The following ANKRD10 variants were observed in gnomAD, a reference collection of about 807,000 sequenced individuals.
ANKRD10 encodes the protein ankyrin repeat domain 10.
Under a neutral mutation model 27.0 loss-of-function variants are expected in ANKRD10, and 14 were observed. The observed-to-expected ratio is 0.52, with a 90% CI of 0.34 to 0.81. The LOEUF (loss-of-function observed/expected upper bound fraction) is 0.81. ANKRD10 is among the 40% of genes least tolerant of loss of function. The pLI, the probability that ANKRD10 is intolerant of heterozygous loss-of-function variation, is 0.01. For missense variants in ANKRD10, 493 were observed against 544.0 expected (o/e 0.91, Z 0.93); for synonymous variants, 250 against 224.5 (o/e 1.11, Z -1.01).
chr13:110,885,636 G>A (rs543101148), intron 4 of ANKRD10, among the ~76,000 whole-genome samples: 27 of 152,262 alleles, frequency 1.8e-4, no homozygotes, highest in African/African-American at 5.5e-4. Flanking sequence ...TGCCAAAGTC[G>A]TCTCAACCTC....
intron 2 of ANKRD10, among the ~76,000 whole-genome samples, chr13:110,909,838 A>G (rs1372196539): frequency 6.6e-6 from 1 of 152,238 alleles, no homozygotes; most frequent in Non-Finnish European, 1.5e-5. Flanking sequence ...CTTGATGACT[A>G]TAAAGCATTT....
Position 110,914,964 on chromosome 13 carries a change from T to C in ANKRD10, c.-30A>G. The C allele has an allele frequency of 6.6e-7, 1 of 1,521,676 alleles. No individual in the cohort carries two copies. The highest frequency in any genetic ancestry group is 8.8e-7 in the Non-Finnish European group (1 of 1,139,890). 94.3% of individuals were successfully genotyped at this position (1,521,676 alleles called of 1,614,324 possible). On this transcript the variant is annotated 5_prime_UTR_variant, in exon 1 of 6. Coordinates refer to ENST00000267339, the MANE Select transcript of ANKRD10 (RefSeq NM_017664.4). ...CGTCACCGGAGAGCGCGGGGCTCGC[T>C]GGCCTAGAGGACGCGTCGGGGAGGA...
chr13:110,879,865 G>C lies in ANKRD10; in HGVS notation c.1035C>G (p.Cys345Trp), dbSNP rs530525606. 1 of 1,614,208 alleles carries C rather than the reference G, an allele frequency of 6.2e-7. No homozygotes were observed. Among genetic ancestry groups the C allele is most frequent in the East Asian group, 2.2e-5 (1 of 44,878 alleles). Residue 345 changes from cysteine to tryptophan, a missense_variant, in exon 6 of 6, where the codon TGC (cysteine) becomes TGG (tryptophan). Physicochemically the swap from Cys to Trp is radical, Grantham distance 215. Transcript: ENST00000267339. ...GACTCCCGTTCAGGTGCAGAGAACC[G>C]CACAACTCAGGGTTAGCTCTCAGGG... ...EKTLRANPEL[C>W]GSLHLNGSPS...
chr13:110,905,190 A>G (rs1407759313), intron 3 of ANKRD10: 3 of 152,246 alleles, frequency 2.0e-5, no homozygotes, highest in African/African-American at 7.2e-5. Flanking sequence ...CTTACACTCA[A>G]CATTTAAGGG....
intron 4 of ANKRD10, among the ~76,000 whole-genome samples, chr13:110,884,881 TTAGCTC>T (rs1200238865): frequency 2.6e-5 from 4 of 152,210 alleles, no homozygotes; most frequent in Non-Finnish European, 5.9e-5. Flanking sequence ...GCAGCTTGAA[TTAGCTC>T]TAGTTTTAGA....
Position 110,909,539 on chromosome 13 carries a change from A to G in ANKRD10, c.363+1079T>C, listed in dbSNP as rs549870425. On this transcript the variant is annotated intron_variant, in intron 2 of 5. Transcript: ENST00000267339. ...GCAGCACAACCTTAAAACTTGTCCC[A>G]TATCCCACATTTCAGTTTAGTAACA... is the stretch of plus-strand genomic sequence containing the variant. Among the ~76,000 whole-genome samples, 7 of 152,336 alleles carry G rather than the reference A, an allele frequency of 4.6e-5. No homozygotes were observed. The South Asian group carries it at 1.5e-3, about 32-fold the overall frequency.
At chr13:110,888,285 G>A (rs1260006935) in intron 4 of ANKRD10, among the ~76,000 whole-genome samples, 1 of 151,506 alleles carries the variant, frequency 6.6e-6, no homozygotes, top group East Asian at 1.9e-4. Flanking sequence ...GACAACTCAG[G>A]CCCATGAGGT....
intron 3 of ANKRD10, among the ~76,000 whole-genome samples, chr13:110,898,179 C>T (rs1438036018): frequency 6.6e-6 from 1 of 152,184 alleles, no homozygotes; most frequent in Non-Finnish European, 1.5e-5. Context: ...GTTACATGTT[C>T]TAAGTGCCTT....
At chr13:110,892,827 T>C (rs1464362053) in intron 4 of ANKRD10, 91 of 1,375,664 alleles carry the variant, frequency 6.6e-5, no homozygotes, top group Non-Finnish European at 8.4e-5. Flanking sequence ...GCCATCAGTA[T>C]TTCCCTCACA....
In ANKRD10 at chr13:110,914,946, G is replaced by T; in HGVS notation, c.-12C>A. The T allele has an allele frequency of 3.3e-6, 5 of 1,528,654 alleles. No homozygotes were observed. The highest frequency in any genetic ancestry group is 4.4e-6 in the Non-Finnish European group (5 of 1,143,204). 94.7% of individuals were successfully genotyped at this position (1,528,654 alleles called of 1,614,324 possible). On this transcript the variant is annotated 5_prime_UTR_variant, in exon 1 of 6. Coordinates refer to ENST00000267339, the MANE Select transcript of ANKRD10 (RefSeq NM_017664.4). ...CCCGCCGCCGACATGGTCCGTCACC[G>T]GAGAGCGCGGGGCTCGCTGGCCTAG...
chr13:110,886,764 T>C (rs191307064), intron 4 of ANKRD10, among the ~76,000 whole-genome samples: 131 of 152,324 alleles, frequency 8.6e-4, no homozygotes, highest in Non-Finnish European at 1.5e-3. Flanking sequence ...CAGAAAAACA[T>C]GTCTTCCAAG....
chr13:110,912,797 G>A (rs1434842204), intron 1 of ANKRD10, among the ~76,000 whole-genome samples: 1 of 152,192 alleles, frequency 6.6e-6, no homozygotes, highest in Non-Finnish European at 1.5e-5. Context: ...CCTGGACTTC[G>A]CAAGCGGTAG....
intron 4 of ANKRD10, among the ~76,000 whole-genome samples, chr13:110,886,665 G>A (rs1435277026): frequency 6.6e-6 from 1 of 152,176 alleles, no homozygotes; most frequent in Non-Finnish European, 1.5e-5. Context: ...CCTACCACCT[G>A]TGGCATTTTC....
intron 4 of ANKRD10, among the ~76,000 whole-genome samples, chr13:110,888,511 T>TTA (rs2064993750): frequency 6.6e-6 from 1 of 151,760 alleles, no homozygotes; most frequent in Non-Finnish European, 1.5e-5. Flanking sequence ...ACGTCAGGAG[T>TTA]TAAAGTGCTA....
chr13:110,901,746 A>G (rs2065386388), intron 3 of ANKRD10, among the ~76,000 whole-genome samples: 1 of 152,206 alleles, frequency 6.6e-6, no homozygotes, highest in Non-Finnish European at 1.5e-5. Context: ...CTGTGGGGAC[A>G]ATTAGATAAA....
intron 4 of ANKRD10, among the ~76,000 whole-genome samples, chr13:110,891,228 A>G (rs1294924168): frequency 6.6e-6 from 1 of 152,246 alleles, no homozygotes; most frequent in Non-Finnish European, 1.5e-5. Context: ...AGGCCACTCT[A>G]CAATACTAAC....
intron 2 of ANKRD10, 33 bp downstream of exon 2, chr13:110,910,585 A>G (rs1265402552): frequency 6.2e-7 from 1 of 1,609,654 alleles, no homozygotes; most frequent in South Asian, 1.1e-5. Context: ...AGAAAAAGCA[A>G]AAGCAAACCA....
intron 5 of ANKRD10, among the ~76,000 whole-genome samples, chr13:110,881,283 C>A (rs919398987): frequency 1.3e-5 from 2 of 152,184 alleles, no homozygotes; most frequent in Non-Finnish European, 2.9e-5. Context: ...AGCTTAAATA[C>A]ATCCGATTAC....
rs1236726907 is a variant in ANKRD10 at position 110,879,640 on chromosome 13, G to C, written c.1260C>G (p.Ser420=). The C allele has an allele frequency of 1.2e-6, 2 of 1,608,404 alleles. No individual in the cohort carries two copies. Among genetic ancestry groups the C allele is most frequent in the African/African-American group, 2.7e-5 (2 of 74,802 alleles). Residue 420 remains serine (S), a synonymous_variant, in exon 6 of 6, where the codon TCC becomes TCG. Coordinates refer to ENST00000267339, the MANE Select transcript of ANKRD10 (RefSeq NM_017664.4). ...TCCGAGAGCCAGGTCAGCGTCTCTA[G>C]GAGCCGTGGTGCAGGTGCATGGTGC... ...VLGTMHLHHG[S] is the part of the protein sequence containing the mutation.
Sources: allele counts gnomAD v4.1 joint callset (sites outside exome capture counted in the v4.1 genomes callset), GRCh38; gene constraint gnomAD v4.1.1; transcripts MANE v1.5; gene names NCBI Gene and HGNC (gene_info 2026-07-23, HGNC 2026-07-21).